ANKS1B: variants seen among roughly 807,000 people sequenced by gnomAD.
ANKS1B encodes ankyrin repeat and sterile alpha motif domain containing 1B.
ANKS1B carries 36 observed loss-of-function variants against 148.3 expected under a neutral mutation model. The ratio of observed to expected loss-of-function variants is 0.24; its 90% CI spans 0.19 to 0.32. The LOEUF (loss-of-function observed/expected upper bound fraction) is 0.32. Ranked by LOEUF, ANKS1B falls within the 10% of genes least tolerant of loss-of-function variation. ANKS1B has a pLI of 1.00. For synonymous variants in ANKS1B, 542 were observed against 560.8 expected (o/e 0.97, Z 0.47); for missense variants, 1,157 against 1,542.6 (o/e 0.75, Z 4.19).
chr12:99,437,320 A>G (rs2095477205), intron 11 of ANKS1B, among the ~76,000 whole-genome samples: 1 of 151,938 alleles, frequency 6.6e-6, no homozygotes, highest in South Asian at 2.1e-4. Flanking sequence ...TTTTAATACT[A>G]TTACATTGGG....
intron 14 of ANKS1B, among the ~76,000 whole-genome samples, chr12:99,177,754 G>C (rs1392372214): frequency 6.6e-6 from 1 of 152,186 alleles, no homozygotes; most frequent in African/African-American, 2.4e-5. Flanking sequence ...CAGCATTATA[G>C]ACTTGTTCTA....
intron 12 of ANKS1B, among the ~76,000 whole-genome samples, chr12:99,394,041 T>C (rs1190549122): frequency 1.3e-5 from 2 of 152,198 alleles, no homozygotes; most frequent in African/African-American, 4.8e-5. Context: ...TCTAAATGCA[T>C]GAACACAGAC....
rs185471235 is a variant in ANKS1B at position 98,894,577 on chromosome 12, C to A, written c.2779-62441G>T. The A allele has an allele frequency of 1.0e-5, 10 of 985,210 alleles. No individual in the cohort carries two copies. The South Asian group carries it at 2.8e-4, about 28-fold the overall frequency. The allele number at this position is 985,210 out of a possible 1,614,324, so 61.0% of individuals were successfully genotyped here. On this transcript the variant is annotated intron_variant, in intron 17 of 26. Coordinates refer to ENST00000683438, the MANE Select transcript of ANKS1B (RefSeq NM_001352186.2). ...GCTGCGGCACCACTTCTTGGAGCCA[C>A]GTCTCGGCGAGCGGGGGCCGCGGAG...
At chr12:99,894,647 A>G (rs2093315882) in intron 1 of ANKS1B, among the ~76,000 whole-genome samples, 1 of 140,958 alleles carries the variant, frequency 7.1e-6, no homozygotes, top group Non-Finnish European at 1.6e-5. Context: ...ATTTTGTTTC[A>G]GTACACTATT....
intron 12 of ANKS1B, 33 bp downstream of exon 12, chr12:99,399,597 TA>T: frequency 6.3e-7 from 1 of 1,597,798 alleles, no homozygotes; most frequent in South Asian, 1.1e-5. Context: ...AGTCTTAAAA[TA>T]AAAATACAGC....
At chr12:99,953,771 C>T (rs1410532639) in intron 1 of ANKS1B, among the ~76,000 whole-genome samples, 1 of 152,022 alleles carries the variant, frequency 6.6e-6, no homozygotes, top group Non-Finnish European at 1.5e-5. Flanking sequence ...TACTGCAAGG[C>T]AGATATGCAG....
At chr12:99,548,674 G>A (rs1024370570) in intron 9 of ANKS1B, among the ~76,000 whole-genome samples, 1 of 152,054 alleles carries the variant, frequency 6.6e-6, no homozygotes, top group Non-Finnish European at 1.5e-5. Flanking sequence ...AGAGAGGGTA[G>A]TAGAAATTTG....
chr12:99,538,625 T>C (rs959223929), intron 9 of ANKS1B, among the ~76,000 whole-genome samples: 1 of 152,196 alleles, frequency 6.6e-6, no homozygotes, highest in Non-Finnish European at 1.5e-5. Context: ...CCAAATTTAC[T>C]AGTTCTAATA....
intron 12 of ANKS1B, among the ~76,000 whole-genome samples, chr12:99,339,696 T>C (rs894721894): frequency 6.6e-6 from 1 of 152,200 alleles, no homozygotes; most frequent in African/African-American, 2.4e-5. Flanking sequence ...TTTTGTTAGA[T>C]GCATTACTCA....
At chr12:99,234,952 T>C (rs987495476) in intron 14 of ANKS1B, among the ~76,000 whole-genome samples, 4 of 152,112 alleles carry the variant, frequency 2.6e-5, no homozygotes, top group Non-Finnish European at 5.9e-5. Flanking sequence ...GTACATGCCA[T>C]GGTCAATCAC....
At chr12:99,262,972 A>T (rs769667653) in intron 12 of ANKS1B, among the ~76,000 whole-genome samples, 1 of 151,504 alleles carries the variant, frequency 6.6e-6, no homozygotes, top group Non-Finnish European at 1.5e-5. Flanking sequence ...TTCTCTCTTT[A>T]TAAGTTAATA....
At chr12:99,972,889 C>T (rs963535651) in intron 1 of ANKS1B, among the ~76,000 whole-genome samples, 2 of 152,174 alleles carry the variant, frequency 1.3e-5, no homozygotes, top group African/African-American at 4.8e-5. Flanking sequence ...TAACTTGAAA[C>T]CAATGCTTAT....
chr12:99,538,337 AT>A (rs1276245996), intron 9 of ANKS1B, among the ~76,000 whole-genome samples: 16 of 152,128 alleles, frequency 1.1e-4, no homozygotes, highest in South Asian at 2.1e-4. Context: ...GAATCTGTAC[AT>A]TTCTTTGGGT....
chr12:99,014,169 AC>A (rs1272788456), intron 17 of ANKS1B, among the ~76,000 whole-genome samples: 1 of 152,204 alleles, frequency 6.6e-6, no homozygotes, highest in Admixed American at 6.5e-5. Flanking sequence ...TGACACAAAA[AC>A]AGACACAGAG....
chr12:99,934,214 A>G (rs1452716478), intron 1 of ANKS1B, among the ~76,000 whole-genome samples: 1 of 152,116 alleles, frequency 6.6e-6, no homozygotes, highest in Non-Finnish European at 1.5e-5. Context: ...TTCATCAGTA[A>G]TACTGGCCTG....
At chr12:99,055,112 AG>A in intron 16 of ANKS1B, among the ~76,000 whole-genome samples, 1 of 152,330 alleles carries the variant, frequency 6.6e-6, no homozygotes. Flanking sequence ...AGGACCCAAA[AG>A]GGAGGCTCAT....
chr12:98,984,535 TC>T (rs2099922128), intron 17 of ANKS1B, among the ~76,000 whole-genome samples: 1 of 152,348 alleles, frequency 6.6e-6, no homozygotes, highest in African/African-American at 2.4e-5. Context: ...ATATTAAAGT[TC>T]ATTGTTTACA....
chr12:99,602,669 A>C (rs1422195372), intron 9 of ANKS1B, among the ~76,000 whole-genome samples: 1 of 152,118 alleles, frequency 6.6e-6, no homozygotes, highest in Non-Finnish European at 1.5e-5. Flanking sequence ...GATTTCCCTG[A>C]AGTCTACATC....
At chr12:99,853,261 G>C (rs957580345) in intron 1 of ANKS1B, among the ~76,000 whole-genome samples, 5 of 152,094 alleles carry the variant, frequency 3.3e-5, no homozygotes, top group Admixed American at 1.3e-4. Flanking sequence ...CCACCTCCTG[G>C]TTTTTGGAGG....
Sources: gnomAD v4.1 joint callset for allele counts (sites outside exome capture counted in the v4.1 genomes callset) on GRCh38, gnomAD v4.1.1 for gene constraint, MANE v1.5 for transcripts, NCBI Gene and HGNC (gene_info 2026-07-23, HGNC 2026-07-21) for gene names.